Variants in CSMD1 observed in about 807,000 individuals in gnomAD.
CSMD1 encodes the protein CUB and Sushi multiple domains 1.
Under a neutral mutation model 417.5 loss-of-function variants are expected in CSMD1, and 213 were observed. The ratio of observed to expected loss-of-function variants is 0.51; its 90% confidence interval spans 0.46 to 0.57. CSMD1 has a LOEUF of 0.57. CSMD1 is among the 20% of genes least tolerant of loss of function. The probability of loss-of-function intolerance (pLI) is 0.00; values close to 1 mark genes in which losing one functional copy is unlikely to be tolerated. For synonymous variants in CSMD1, 2,862 were observed against 1,736.8 expected (o/e 1.65, Z -16.11); for missense variants, 6,923 against 4,529.7 (o/e 1.53, Z -15.17).
At chr8:4,252,568 A>G (rs1454171817) in intron 3 of CSMD1, among the ~76,000 whole-genome samples, 1 of 152,228 alleles carries the variant, frequency 6.6e-6, no homozygotes, top group Non-Finnish European at 1.5e-5. Context: ...AGAAACTGCT[A>G]CTTACCTACA....
chr8:3,555,000 T>A (rs1347734325), intron 10 of CSMD1, among the ~76,000 whole-genome samples: 1 of 151,904 alleles, frequency 6.6e-6, no homozygotes, highest in East Asian at 2.0e-4. Flanking sequence ...AAACACCACA[T>A]AAGCTGAGGA....
Position 3,912,110 on chromosome 8 carries a change from C to A in CSMD1, c.818+85793G>T, listed in dbSNP as rs1462401495. Among the ~76,000 whole-genome samples the A allele has an allele frequency of 4.6e-5, 7 of 152,026 alleles. 1 individual carries two copies. In the South Asian group the frequency reaches 1.5e-3, roughly 32 times the overall value. On this transcript the variant is annotated intron_variant, in intron 5 of 69. Coordinates refer to ENST00000635120, the MANE Select transcript of CSMD1 (RefSeq NM_033225.6). Reference sequence around the variant, plus strand: ...AAATCAATAAATATAACAGCTTGTCCAATTCTGAGACTGATTTTCTATTTT... The same window carrying A: ...AAATCAATAAATATAACAGCTTGTCAAATTCTGAGACTGATTTTCTATTTT...
At chr8:4,161,458 A>G (rs755961953) in intron 3 of CSMD1, among the ~76,000 whole-genome samples, 1 of 152,208 alleles carries the variant, frequency 6.6e-6, no homozygotes, top group African/African-American at 2.4e-5. Context: ...GAATAAGTTG[A>G]ATGGCTTACT....
intron 1 of CSMD1, among the ~76,000 whole-genome samples, chr8:4,767,009 A>G (rs536206249): frequency 1.2e-4 from 19 of 152,340 alleles, no homozygotes; most frequent in African/African-American, 4.1e-4. Flanking sequence ...GTCTTCTTGG[A>G]AAAATGTACT....
chr8:4,509,063 T>C (rs753157548), intron 2 of CSMD1, among the ~76,000 whole-genome samples: 2 of 151,876 alleles, frequency 1.3e-5, no homozygotes, highest in Non-Finnish European at 2.9e-5. Context: ...GCAAAGATGA[T>C]AGAAGAGGAG....
intron 3 of CSMD1, among the ~76,000 whole-genome samples, chr8:4,271,320 A>T (rs1446868644): frequency 6.6e-6 from 1 of 152,172 alleles, no homozygotes; most frequent in Non-Finnish European, 1.5e-5. Context: ...AGGTTGGTGA[A>T]ATCGTTCATT....
intron 3 of CSMD1, among the ~76,000 whole-genome samples, chr8:4,299,210 G>A (rs1275503300): frequency 2.6e-5 from 4 of 152,096 alleles, no homozygotes; most frequent in South Asian, 2.1e-4. Context: ...CTTTTGCCAG[G>A]TAATGTAAGT....
intron 3 of CSMD1, among the ~76,000 whole-genome samples, chr8:4,201,396 G>T (rs938947658): frequency 1.3e-5 from 2 of 151,872 alleles, no homozygotes; most frequent in African/African-American, 2.4e-5. Context: ...AAATTAGCCG[G>T]GGGTGGCGCT....
intron 1 of CSMD1, among the ~76,000 whole-genome samples, chr8:4,795,778 G>A (rs1218414554): frequency 6.6e-6 from 1 of 152,012 alleles, no homozygotes; most frequent in African/African-American, 2.4e-5. Flanking sequence ...ACGCCTTCAG[G>A]TACTCTGAGT....
chr8:3,922,185 A>G (rs960150076), intron 5 of CSMD1, among the ~76,000 whole-genome samples: 2 of 152,136 alleles, frequency 1.3e-5, no homozygotes, highest in Non-Finnish European at 2.9e-5. Context: ...TTATAAAAAT[A>G]TAGACAACCC....
At chr8:4,003,466 A>G (rs370800529) in intron 4 of CSMD1, among the ~76,000 whole-genome samples, 3 of 152,232 alleles carry the variant, frequency 2.0e-5, no homozygotes, top group South Asian at 4.1e-4. Context: ...AGACACAAAC[A>G]GATACATGGG....
At chr8:3,468,888 A>G in intron 11 of CSMD1, 64 bp from the exon 12 acceptor site, 1 of 1,092,796 alleles carries the variant, frequency 9.2e-7, no homozygotes, top group Non-Finnish European at 1.3e-6. Flanking sequence ...TTCCACCTGA[A>G]AGGAGGGTCT....
chr8:3,985,751 A>C (rs1428080616), intron 5 of CSMD1, among the ~76,000 whole-genome samples: 1 of 101,520 alleles, frequency 9.9e-6, no homozygotes, highest in African/African-American at 4.5e-5. Flanking sequence ...TAAAATGTTA[A>C]AGTGATTTTT....
At chr8:4,814,617 G>C (rs1038065054) in intron 1 of CSMD1, among the ~76,000 whole-genome samples, 1 of 152,080 alleles carries the variant, frequency 6.6e-6, no homozygotes, top group Non-Finnish European at 1.5e-5. Context: ...ATTTTAATTA[G>C]TATTGATCAA....
chr8:4,238,605 C>G (rs1322091536), intron 3 of CSMD1, among the ~76,000 whole-genome samples: 2 of 152,180 alleles, frequency 1.3e-5, no homozygotes, highest in Non-Finnish European at 2.9e-5. Context: ...CTTCAGTCTT[C>G]TCACTTAAAA....
chr8:3,801,912 T>C (rs2720874), intron 5 of CSMD1, among the ~76,000 whole-genome samples: 52,239 of 151,826 alleles, frequency 0.34, 9,130 homozygotes, highest in Middle Eastern at 0.4. Flanking sequence ...ACCCAATGCC[T>C]AGGGTATAGG....
At chr8:3,296,389 G>C (rs1006831458) in intron 25 of CSMD1, among the ~76,000 whole-genome samples, 1 of 152,150 alleles carries the variant, frequency 6.6e-6, no homozygotes, top group Non-Finnish European at 1.5e-5. Context: ...GCTGAGAGCA[G>C]AGAAGAATGG....
At chr8:3,731,200 G>A (rs937076825) in intron 6 of CSMD1, among the ~76,000 whole-genome samples, 2 of 152,082 alleles carry the variant, frequency 1.3e-5, no homozygotes, top group Admixed American at 6.6e-5. Flanking sequence ...TACCCATTAA[G>A]CAGTTTCTCC....
chr8:4,015,160 A>G (rs1044724260), intron 4 of CSMD1, among the ~76,000 whole-genome samples: 4 of 152,214 alleles, frequency 2.6e-5, no homozygotes, highest in African/African-American at 9.6e-5. Context: ...GGTTTCTTAT[A>G]TAAAAACTGT....
Sources: allele counts gnomAD v4.1 joint callset (sites outside exome capture counted in the v4.1 genomes callset), GRCh38; gene constraint gnomAD v4.1.1; transcripts MANE v1.5; gene names NCBI Gene and HGNC (gene_info 2026-07-23, HGNC 2026-07-21).